GON4L: variants seen among roughly 807,000 people sequenced by gnomAD.
GON4L encodes GON-4-like protein.
A neutral mutation model predicts 211.8 loss-of-function variants in GON4L; 87 were observed. The observed-to-expected ratio is 0.41, with a 90% confidence interval of 0.35 to 0.49. The LOEUF (loss-of-function observed/expected upper bound fraction) is 0.49, where lower values mean the gene tolerates loss of function less well. Among genes scored for constraint, GON4L ranks in the 20% least tolerant of loss-of-function variants. GON4L has a pLI of 0.15. For synonymous variants in GON4L, 875 were observed against 962.6 expected, an observed-to-expected ratio of 0.91 and a Z score of 1.68; for missense variants, 2,155 against 2,659.5, an observed-to-expected ratio of 0.81 and a Z score of 4.17.
chr1:155,754,524 GTTTTTTTTTT>G, intron 27 of GON4L, 36 bp from the exon 28 acceptor site: 5 of 477,364 alleles, frequency 1.0e-5, no homozygotes, highest in South Asian at 6.7e-5. Flanking sequence ...CTGCCAAGTT[GTTTTTTTTTT>G]TTTTTTTTTT....
intron 12 of GON4L, among the ~76,000 whole-genome samples, chr1:155,791,741 A>G (rs1488346741): frequency 1.3e-5 from 2 of 151,326 alleles, no homozygotes; most frequent in African/African-American, 2.4e-5. Flanking sequence ...GGTGGCGGGC[A>G]CCTGTAATCC....
chr1:155,804,566 T>C (rs1666966243), intron 11 of GON4L, among the ~76,000 whole-genome samples: 2 of 151,968 alleles, frequency 1.3e-5, no homozygotes, highest in South Asian at 4.2e-4. Context: ...GGAGGATTGT[T>C]TGAGGCCAGG....
upstream of GON4L, among the ~76,000 whole-genome samples, chr1:155,858,183 CGAAT>C (rs1672426071): frequency 6.6e-6 from 1 of 151,888 alleles, no homozygotes; most frequent in African/African-American, 2.4e-5. Flanking sequence ...TTTGAATGAG[CGAAT>C]GAATGAATGA....
intron 10 of GON4L, among the ~76,000 whole-genome samples, chr1:155,806,944 A>T (rs558858707): frequency 1.3e-5 from 2 of 152,198 alleles, no homozygotes; most frequent in East Asian, 3.9e-4. Context: ...TGCCACAAAC[A>T]AACAAATTAG....
At chr1:155,817,668 T>A (rs1339429515) in intron 6 of GON4L, among the ~76,000 whole-genome samples, 2 of 151,996 alleles carry the variant, frequency 1.3e-5, no homozygotes, top group Non-Finnish European at 2.9e-5. Context: ...AATCCCCCCA[T>A]GTTGGGAGAT....
chr1:155,748,206 G>A, downstream of GON4L: 3 of 1,438,500 alleles, frequency 2.1e-6, no homozygotes, highest in Non-Finnish European at 2.8e-6. Flanking sequence ...TGTCTGTACT[G>A]GCTCTGTTCC....
At chr1:155,754,822 C>A (rs1405275477) in intron 27 of GON4L, among the ~76,000 whole-genome samples, 1 of 151,400 alleles carries the variant, frequency 6.6e-6, no homozygotes, top group East Asian at 1.9e-4. Context: ...AGCCACTGTG[C>A]CTGGCCGTAT....
chr1:155,809,764 CTT>C (rs796952999), intron 10 of GON4L, among the ~76,000 whole-genome samples: 3 of 68,744 alleles, frequency 4.4e-5, no homozygotes, highest in Non-Finnish European at 5.4e-5. Flanking sequence ...AAATTATATA[CTT>C]ATATATAATT....
intron 14 of GON4L, among the ~76,000 whole-genome samples, chr1:155,778,278 G>C (rs1024974985): frequency 6.6e-6 from 1 of 151,848 alleles, no homozygotes; most frequent in Non-Finnish European, 1.5e-5. Context: ...TTGAGACACA[G>C]TCTCGCTCTG....
In GON4L at chr1:155,749,815, T is replaced by A; in HGVS notation, c.*769A>T. 6.1e-6 allele frequency: 8 copies of A among 1,304,710 alleles called. No homozygotes were observed. The South Asian group carries it at 1.0e-4, about 17-fold the overall frequency. The allele number at this position is 1,304,710 out of a possible 1,614,324, so 80.8% of individuals were successfully genotyped here. A position where few individuals can be genotyped will look rare whatever the true frequency, so the allele number is the denominator to read the frequency against. On this transcript the variant is annotated 3_prime_UTR_variant, in exon 32 of 32. Transcript: ENST00000368331. ...CTAAGGGGACAATACACCAAATTTG[T>A]TGAGTTTACAATCAAGTCTACTAAG...
At chr1:155,845,555 G>T in intron 2 of GON4L, 1 of 295,186 alleles carries the variant, frequency 3.4e-6, no homozygotes, top group African/African-American at 2.2e-5. Flanking sequence ...TTTTAATGAA[G>T]ATGACAAAGA....
chr1:155,747,714 A>G (rs759663029), downstream of GON4L: 2 of 1,613,742 alleles, frequency 1.2e-6, no homozygotes, highest in Admixed American at 3.3e-5. Flanking sequence ...CCAGGGTGGA[A>G]GCTCTTCTCA....
chr1:155,784,132 T>A (rs1664692341), intron 13 of GON4L, 43 bp from the exon 14 acceptor site: 1 of 1,608,178 alleles, frequency 6.2e-7, no homozygotes, highest in Admixed American at 1.7e-5. Context: ...GGAATGGGCC[T>A]CTGAATGTTG....
intron 24 of GON4L, among the ~76,000 whole-genome samples, chr1:155,758,524 C>G (rs780880122): frequency 6.6e-6 from 1 of 152,198 alleles, no homozygotes; most frequent in Non-Finnish European, 1.5e-5. Flanking sequence ...GTAGCTTGAG[C>G]TACTTGGGAG....
chr1:155,842,156 G>A (rs1278330728), intron 2 of GON4L, among the ~76,000 whole-genome samples: 2 of 152,130 alleles, frequency 1.3e-5, no homozygotes, highest in Non-Finnish European at 2.9e-5. Context: ...GGCACTCTAA[G>A]AATATGAAAA....
At chr1:155,845,941 A>C (rs1671191177) in intron 2 of GON4L, 2 of 215,774 alleles carry the variant, frequency 9.3e-6, no homozygotes, top group Non-Finnish European at 9.9e-6. Context: ...AGTGTATCAC[A>C]AACCAGGTCC....
At chr1:155,781,123 TTTATTA>T (rs936106490) in intron 14 of GON4L, among the ~76,000 whole-genome samples, 10 of 151,462 alleles carry the variant, frequency 6.6e-5, no homozygotes, top group South Asian at 4.2e-4. Flanking sequence ...AGTTGTATTT[TTTATTA>T]TTATTATTAT....
At chr1:155,818,007 T>C (rs1668403483) in intron 6 of GON4L, among the ~76,000 whole-genome samples, 1 of 151,970 alleles carries the variant, frequency 6.6e-6, no homozygotes, top group African/African-American at 2.4e-5. Context: ...CTATACCGTC[T>C]TGGATGGCCC....
intron 12 of GON4L, among the ~76,000 whole-genome samples, chr1:155,787,873 G>A (rs1022155139): frequency 6.6e-6 from 1 of 152,166 alleles, no homozygotes; most frequent in Non-Finnish European, 1.5e-5. Flanking sequence ...AAACCCGGGA[G>A]GCAGAGGCTA....
Sources: allele counts gnomAD v4.1 joint callset (sites outside exome capture counted in the v4.1 genomes callset), GRCh38; gene constraint gnomAD v4.1.1; transcripts MANE v1.5; gene names NCBI Gene and HGNC (gene_info 2026-07-23, HGNC 2026-07-21).